Variants in DOCK6 observed in about 807,000 individuals in gnomAD.
The protein encoded by DOCK6 is dedicator of cytokinesis 6.
DOCK6 carries 167 observed loss-of-function variants against 230.3 expected under a neutral mutation model. The ratio of observed to expected loss-of-function variants is 0.73; its 90% CI spans 0.64 to 0.82. The LOEUF is 0.82. Ranked by LOEUF, DOCK6 falls within the 40% of genes least tolerant of loss-of-function variation. The probability of loss-of-function intolerance (pLI) is 0.00; values close to 1 mark genes in which losing one functional copy is unlikely to be tolerated. For synonymous variants in DOCK6, 1,148 were observed against 1,185.0 expected, an observed-to-expected ratio of 0.97 and a Z score of 0.64; for missense variants, 2,598 against 2,825.8, an observed-to-expected ratio of 0.92 and a Z score of 1.83.
rs1420427886 is a variant in DOCK6, at chr19:11,202,465, ATC to A, written c.5378_5379del (p.Arg1793IlefsTer7). 1.2e-6 allele frequency: 2 copies of A among 1,613,288 alleles called. No individual in the cohort carries two copies. Among genetic ancestry groups the A allele is most frequent in the Admixed American group, 1.7e-5 (1 of 59,984 alleles). ...ATAATCTCAACGACGTCGTCGCCAA[ATC>A]TCTCCGTGTAGAACTCCTGGAGACA... ...SHRLEEFYTE[R>X]FGDDVVEIIK... On this transcript the variant is annotated frameshift_variant, in exon 43 of 48. Coordinates refer to ENST00000294618, the MANE Select transcript of DOCK6 (RefSeq NM_020812.4). LOFTEE classifies it high-confidence loss of function. The surrounding 1 kb of genome is among the most constrained non-coding windows in gnomAD (Gnocchi z 5.3).
chr19:11,213,915 G>C (rs978633763), intron 34 of DOCK6, among the ~76,000 whole-genome samples: 3 of 151,132 alleles, frequency 2.0e-5, no homozygotes, highest in Non-Finnish European at 2.9e-5. Flanking sequence ...TCAGCCTTCC[G>C]AGTAGCTAGG....
intron 9 of DOCK6, among the ~76,000 whole-genome samples, chr19:11,244,650 G>A (rs1249631958): frequency 6.6e-6 from 1 of 151,764 alleles, no homozygotes; most frequent in East Asian, 1.9e-4. Flanking sequence ...TAGTAGAGAC[G>A]AGGTTTCACC....
chr19:11,262,084 C>T (rs536196051), intron 1 of DOCK6, among the ~76,000 whole-genome samples: 1 of 152,212 alleles, frequency 6.6e-6, no homozygotes, highest in South Asian at 2.1e-4. Context: ...TCAGGGGGCG[C>T]CCGTCATCCG....
At chr19:11,237,185 AATG>A (rs1430402292) in intron 18 of DOCK6, 6 of 591,964 alleles carry the variant, frequency 1.0e-5, no homozygotes, top group Non-Finnish European at 1.5e-5. Flanking sequence ...ATTCATGGGG[AATG>A]ATAAGGTACT....
At chr19:11,208,657 T>C (rs1431490875) in intron 39 of DOCK6, 29 bp downstream of exon 39, 3 of 1,593,184 alleles carry the variant, frequency 1.9e-6, no homozygotes. Flanking sequence ...CCGAGCCCCC[T>C]CTCCTGCACC....
chr19:11,210,448 C>G lies in DOCK6; in HGVS notation c.4751+1328G>C, dbSNP rs572233983. Among the ~76,000 whole-genome samples, 4 of 146,852 alleles carry G rather than the reference C, an allele frequency of 2.7e-5. No individual in the cohort carries two copies. The East Asian group carries it at 8.6e-4, about 32-fold the overall frequency. ...TGCCTGTTCACCCCTTCACCTGTCT[C>G]CTTGCCTGTTCACCCCTTCACCTGT... is the stretch of plus-strand genomic sequence containing the variant. On this transcript the variant is annotated intron_variant, in intron 37 of 47. Transcript: ENST00000294618.
intron 1 of DOCK6, among the ~76,000 whole-genome samples, chr19:11,260,638 CAGCACTTTGGG>C (rs1744380630): frequency 6.7e-6 from 1 of 149,986 alleles, no homozygotes; most frequent in African/African-American, 2.5e-5. Flanking sequence ...CCTGTAATCC[CAGCACTTTGGG>C]AGGTGGGCGG....
chr19:11,251,214 C>G, intron 5 of DOCK6, 128 bp from the exon 6 acceptor site: 1 of 936,328 alleles, frequency 1.1e-6, no homozygotes, highest in Non-Finnish European at 1.6e-6. Context: ...GGTCATCACT[C>G]TAAGGGTCAC....
intron 1 of DOCK6, among the ~76,000 whole-genome samples, chr19:11,259,438 GAGA>G (rs2080248450): frequency 4.2e-5 from 6 of 144,446 alleles, no homozygotes; most frequent in Admixed American, 1.4e-4. Flanking sequence ...GGATGGGGGA[GAGA>G]GAGAGAGAGA....
intron 39 of DOCK6, chr19:11,208,342 G>A (rs1041205980): frequency 7.0e-5 from 11 of 157,938 alleles, no homozygotes; most frequent in Non-Finnish European, 6.7e-5. Context: ...GTGCAGTGGC[G>A]CAATTCTGGC....
chr19:11,209,539 TTCACCTGTCTATCCCC>T (rs2079327508), intron 37 of DOCK6, among the ~76,000 whole-genome samples: 1 of 98,692 alleles, frequency 1.0e-5, no homozygotes, highest in Non-Finnish European at 2.1e-5. Flanking sequence ...TGTCCATCCC[TTCACCTGTCTATCCCC>T]TCACCTGTCC....
At chr19:11,213,127 C>T (rs2079419957) in intron 35 of DOCK6, 49 bp downstream of exon 35, 2 of 1,581,784 alleles carry the variant, frequency 1.3e-6, no homozygotes, top group African/African-American at 1.3e-5. Context: ...CCCCACTGGC[C>T]ACCCTGACCA....
intron 23 of DOCK6, 33 bp downstream of exon 23, chr19:11,228,907 T>C: frequency 2.5e-6 from 4 of 1,609,162 alleles, no homozygotes; most frequent in Non-Finnish European, 3.4e-6. Flanking sequence ...ACTGGGGGTC[T>C]CTTGCCACCA....
intron 22 of DOCK6, among the ~76,000 whole-genome samples, chr19:11,232,669 T>G (rs2079785423): frequency 1.3e-5 from 2 of 152,136 alleles, no homozygotes; most frequent in Non-Finnish European, 1.5e-5. Context: ...TGTCTGTATA[T>G]GCATGGGGTG....
Position 11,262,489 on chromosome 19 carries a change from C to G in DOCK6, c.-49G>C, listed in dbSNP as rs2080308625. 2 of 1,057,740 alleles carry G rather than the reference C, an allele frequency of 1.9e-6. No homozygotes were observed. The highest frequency in any genetic ancestry group is 2.3e-6 in the Non-Finnish European group (2 of 878,002). 65.5% of individuals were successfully genotyped at this position (1,057,740 alleles called of 1,614,324 possible). A position where few individuals can be genotyped will look rare whatever the true frequency, so the allele number is the denominator to read the frequency against. ...GCCCCGGGCCCCGGCCCCGCCGCCG[C>G]CGCCGCCTCCCGGTTCTGGGCAGCC... On this transcript the variant is annotated 5_prime_UTR_variant, in exon 1 of 48. Transcript: ENST00000294618.
intron 31 of DOCK6, 97 bp from the exon 32 acceptor site, chr19:11,215,568 T>C: frequency 7.3e-7 from 1 of 1,375,572 alleles, no homozygotes; most frequent in Non-Finnish European, 1.0e-6. Flanking sequence ...TCAGGTGGGC[T>C]GACCCATGAG....
At position 11,222,843 on chromosome 19, in the gene DOCK6, G is replaced by T; in HGVS notation, c.3132C>A (p.Phe1044Leu). The change falls in exon 26 of 48, where the codon TTC becomes TTA. Residue 1044 changes from phenylalanine to leucine, a missense_variant. Phe to Leu is a conservative substitution (Grantham distance 22, BLOSUM62 0). Transcript: ENST00000294618. The surrounding 1 kb of genome is among the most constrained non-coding windows in gnomAD (Gnocchi z 4.0). Reference sequence around the variant, plus strand: ...GCTCGTGGCTGCACAGGATGCGGGTGAATTCCATGCGCAGGGTCAGCAGGG... The same window carrying T: ...GCTCGTGGCTGCACAGGATGCGGGTTAATTCCATGCGCAGGGTCAGCAGGG... The part of the protein sequence containing the change: ...PAALLTLRME[F>L]TRILCSHEHY... 6.2e-7 allele frequency: 1 copy of T among 1,602,042 alleles called. No individual in the cohort carries two copies.
chr19:11,205,804 T>TTG, intron 39 of DOCK6: 1 of 151,366 alleles, frequency 6.6e-6, no homozygotes, highest in East Asian at 1.9e-4. Flanking sequence ...TTTTTTTTTT[T>TTG]TGTAGAGGCA....
At chr19:11,221,643 G>T in intron 28 of DOCK6, 1 of 623,274 alleles carries the variant, frequency 1.6e-6, no homozygotes, top group Non-Finnish European at 2.8e-6. Context: ...TGAAGTAGTT[G>T]GTGTTGTTAC....
Sources: gnomAD v4.1 joint callset for allele counts (sites outside exome capture counted in the v4.1 genomes callset) on GRCh38, gnomAD v4.1.1 for gene constraint, Gnocchi (gnomAD v3.1) non-coding constraint, MANE v1.5 for transcripts, NCBI Gene and HGNC (gene_info 2026-07-23, HGNC 2026-07-21) for gene names.